Variants in AGBL4 observed in about 807,000 individuals in gnomAD.
The protein encoded by AGBL4 is cytosolic carboxypeptidase 6.
Under a neutral mutation model 66.4 loss-of-function variants are expected in AGBL4, and 58 were observed. That is an observed-to-expected ratio of 0.87 (90% confidence interval 0.71 to 1.09). The LOEUF is 1.09. AGBL4 is among the 50% of genes least tolerant of loss of function. The pLI, the probability that AGBL4 is intolerant of heterozygous loss-of-function variation, is 0.00. For missense variants in AGBL4, 579 were observed against 631.0 expected, an observed-to-expected ratio of 0.92 and a Z score of 0.88; for synonymous variants, 234 against 222.9, an observed-to-expected ratio of 1.05 and a Z score of -0.44.
chr1:49,030,670 G>T (rs1225752708), intron 5 of AGBL4, among the ~76,000 whole-genome samples: 1 of 151,922 alleles, frequency 6.6e-6, no homozygotes, highest in Non-Finnish European at 1.5e-5. Flanking sequence ...TGAGGTAGAA[G>T]TTTCATCCCG....
chr1:49,754,394 A>G (rs1651727398), intron 2 of AGBL4, among the ~76,000 whole-genome samples: 1 of 150,590 alleles, frequency 6.6e-6, no homozygotes, highest in Non-Finnish European at 1.5e-5. Context: ...TCTTTTTGTT[A>G]ATGTTGATGC....
chr1:48,704,575 C>T lies in AGBL4; in HGVS notation c.635-41334G>A, dbSNP rs536189878. ...TTAAAATTGTTAAGTTTTTTTTACT[C>T]TTTAAACATTTTTGTTAAAAACTAA... On this transcript the variant is annotated intron_variant, in intron 6 of 13. Coordinates refer to ENST00000371839, the MANE Select transcript of AGBL4 (RefSeq NM_032785.4). Among the ~76,000 whole-genome samples, 275 of 152,054 alleles carry T rather than the reference C, an allele frequency of 1.8e-3. 2 individuals carry two copies. Among genetic ancestry groups the T allele is most frequent in the South Asian group, 0.013 (64 of 4,814 alleles).
chr1:49,099,247 C>A (rs749167147), intron 4 of AGBL4, among the ~76,000 whole-genome samples: 1 of 152,164 alleles, frequency 6.6e-6, no homozygotes, highest in Non-Finnish European at 1.5e-5. Context: ...AGCCTGAAAC[C>A]AGGTATATGG....
At chr1:50,011,810 C>T (rs973044991) in intron 1 of AGBL4, among the ~76,000 whole-genome samples, 1 of 152,176 alleles carries the variant, frequency 6.6e-6, no homozygotes, top group Non-Finnish European at 1.5e-5. Flanking sequence ...CATGTTCTCA[C>T]TTATATGTGG....
chr1:49,482,396 T>C lies in AGBL4; in HGVS notation c.282+214917A>G, dbSNP rs1646974079. On this transcript the variant is annotated intron_variant, in intron 3 of 13. Transcript: ENST00000371839. ...GTAAGTGCCCAGGGATTTATCCATT[T>C]TTTTTCTAGATTATCTAGTTTATGT... Among the ~76,000 whole-genome samples the C allele has an allele frequency of 2.0e-5, 3 of 151,984 alleles. No individual in the cohort carries two copies. The South Asian group carries it at 6.2e-4, about 32-fold the overall frequency.
intron 3 of AGBL4, among the ~76,000 whole-genome samples, chr1:49,684,070 G>C (rs1646745219): frequency 6.6e-6 from 1 of 152,062 alleles, no homozygotes; most frequent in Admixed American, 6.6e-5. Flanking sequence ...ATTCATAATG[G>C]GGCATAATAA....
At chr1:49,756,278 T>C (rs1164889245) in intron 2 of AGBL4, among the ~76,000 whole-genome samples, 1 of 151,826 alleles carries the variant, frequency 6.6e-6, no homozygotes, top group East Asian at 1.9e-4. Flanking sequence ...TGAGCATCTC[T>C]GTGAACCAAA....
intron 4 of AGBL4, among the ~76,000 whole-genome samples, chr1:49,135,508 T>A (rs1194283989): frequency 1.3e-5 from 2 of 152,112 alleles, no homozygotes; most frequent in Non-Finnish European, 2.9e-5. Context: ...CTGAGAGCCC[T>A]GAACAGAGAT....
chr1:49,839,850 A>G (rs1400461020), intron 2 of AGBL4, among the ~76,000 whole-genome samples: 2 of 152,224 alleles, frequency 1.3e-5, no homozygotes, highest in Admixed American at 1.3e-4. Context: ...ACTTTCTCCT[A>G]TTATAATTCT....
intron 1 of AGBL4, among the ~76,000 whole-genome samples, chr1:49,952,495 T>G (rs909675693): frequency 6.6e-6 from 1 of 151,982 alleles, no homozygotes; most frequent in African/African-American, 2.4e-5. Context: ...CATATGGCAT[T>G]CCCTACTTTA....
Position 49,277,351 on chromosome 1 carries a change from T to C in AGBL4, c.283-31487A>G, listed in dbSNP as rs377118405. 2.3e-3 allele frequency among the ~76,000 whole-genome samples: 349 copies of C among 152,294 alleles called. 1 individual carries two copies. Among genetic ancestry groups the C allele is most frequent in the Non-Finnish European group, 3.4e-3 (233 of 68,008 alleles). On this transcript the variant is annotated intron_variant, in intron 3 of 13. Transcript: ENST00000371839. ...GAGCATTTCCTGTCCTTGAGAATTTTGCAGTTTGGCTGGGTTCATGGGGTG... is the reference window on the plus strand; with the variant it reads ...GAGCATTTCCTGTCCTTGAGAATTTCGCAGTTTGGCTGGGTTCATGGGGTG...
chr1:48,597,500 A>C (rs1645010819), intron 9 of AGBL4, among the ~76,000 whole-genome samples: 1 of 152,134 alleles, frequency 6.6e-6, no homozygotes, highest in Non-Finnish European at 1.5e-5. Context: ...TGATCAGGGA[A>C]GGCCTCTGAC....
intron 1 of AGBL4, among the ~76,000 whole-genome samples, chr1:49,891,996 TAAA>T (rs1648704846): frequency 6.6e-6 from 1 of 151,848 alleles, no homozygotes; most frequent in Admixed American, 6.6e-5. Flanking sequence ...GGCAGCAGGG[TAAA>T]CTGGAAAAAG....
intron 12 of AGBL4, 114 bp downstream of exon 12, chr1:48,539,528 T>A: frequency 1.3e-6 from 1 of 786,714 alleles, no homozygotes; most frequent in Admixed American, 3.7e-5. Context: ...CAGGATTATC[T>A]TTCCTGCGGC....
intron 3 of AGBL4, among the ~76,000 whole-genome samples, chr1:49,533,165 A>G (rs1272753965): frequency 1.3e-5 from 2 of 151,876 alleles, no homozygotes; most frequent in Non-Finnish European, 2.9e-5. Flanking sequence ...CTTCACAACC[A>G]CACCCACAAT....
At chr1:49,449,497 T>C (rs748323054) in intron 3 of AGBL4, among the ~76,000 whole-genome samples, 1 of 152,012 alleles carries the variant, frequency 6.6e-6, no homozygotes, top group Non-Finnish European at 1.5e-5. Context: ...AGGCTGTGGA[T>C]AGGGCAGAGG....
chr1:48,671,291 A>C (rs898058066), intron 6 of AGBL4, among the ~76,000 whole-genome samples: 11 of 152,252 alleles, frequency 7.2e-5, no homozygotes, highest in African/African-American at 2.7e-4. Context: ...TTTCTGTTAA[A>C]TTCAGTTCAT....
chr1:49,175,644 T>C (rs1178656010), intron 4 of AGBL4, among the ~76,000 whole-genome samples: 2 of 152,164 alleles, frequency 1.3e-5, no homozygotes, highest in East Asian at 1.9e-4. Context: ...GATTCTATTA[T>C]TAAAACAAGT....
Position 48,867,051 on chromosome 1 carries a change from A to G in AGBL4, c.634+140T>C, listed in dbSNP as rs992381252. ...TGTGGAGCAGAGGGTAGGGGAGGAG[A>G]AGAATCATTCATGGTGCAAGAGTTC... On this transcript the variant is annotated intron_variant, in intron 6 of 13. Transcript: ENST00000371839. 4 of 955,034 alleles carry G rather than the reference A, an allele frequency of 4.2e-6. No homozygotes were observed. In the African/African-American group the frequency reaches 6.5e-5, roughly 16 times the overall value. 59.2% of individuals were successfully genotyped at this position (955,034 alleles called of 1,614,324 possible).
Sources: gnomAD v4.1 joint callset for allele counts (sites outside exome capture counted in the v4.1 genomes callset) on GRCh38, gnomAD v4.1.1 for gene constraint, MANE v1.5 for transcripts, NCBI Gene and HGNC (gene_info 2026-07-23, HGNC 2026-07-21) for gene names.